The following SERTM1 variants were observed in gnomAD, a reference collection of about 807,000 sequenced individuals.
SERTM1 encodes serine rich and transmembrane domain containing 1.
A neutral mutation model predicts 5.5 loss-of-function variants in SERTM1; 1 was observed. That is an observed-to-expected ratio of 0.18 (90% confidence interval 0.06 to 0.86). The LOEUF (loss-of-function observed/expected upper bound fraction) is 0.86. Among genes scored for constraint, SERTM1 ranks in the 40% least tolerant of loss-of-function variants. The pLI, the probability that SERTM1 is intolerant of heterozygous loss-of-function variation, is 0.69. For synonymous variants in SERTM1, 52 were observed against 55.1 expected, an observed-to-expected ratio of 0.94 and a Z score of 0.25; for missense variants, 91 against 122.4, an observed-to-expected ratio of 0.74 and a Z score of 1.21.
At chr13:36,694,395 T>A (rs1335770593) in intron 1 of SERTM1, among the ~76,000 whole-genome samples, 2 of 152,218 alleles carry the variant, frequency 1.3e-5, no homozygotes, top group Non-Finnish European at 2.9e-5. Flanking sequence ...GGCACCTGAT[T>A]TCAAGGAGAT....
chr13:36,688,816 T>C (rs1486683175), intron 1 of SERTM1, among the ~76,000 whole-genome samples: 6 of 152,220 alleles, frequency 3.9e-5, no homozygotes, highest in Admixed American at 6.5e-5. Context: ...GTTGGCTTTT[T>C]CTGTCAATCA....
intron 1 of SERTM1, among the ~76,000 whole-genome samples, chr13:36,677,240 A>G (rs1159236105): frequency 6.6e-6 from 1 of 152,250 alleles, no homozygotes; most frequent in African/African-American, 2.4e-5. Flanking sequence ...GAAAAAAAAG[A>G]TAAAAGATGT....
At chr13:36,691,561 A>G (rs1366466780) in intron 1 of SERTM1, among the ~76,000 whole-genome samples, 2 of 152,162 alleles carry the variant, frequency 1.3e-5, no homozygotes, top group African/African-American at 2.4e-5. Flanking sequence ...CTTCCTTTAT[A>G]ATGTTGTGAT....
chr13:36,697,336 T>C lies in SERTM1; in HGVS notation c.*1934T>C, dbSNP rs555169969. 2 of 160,846 alleles carry C rather than the reference T, an allele frequency of 1.2e-5. No individual in the cohort carries two copies. Among genetic ancestry groups the C allele is most frequent in the Non-Finnish European group, 3.0e-5 (2 of 66,900 alleles). The allele number at this position is 160,846 out of a possible 1,614,324, so 10.0% of individuals were successfully genotyped here. ...AAATATATATATATATATATATATA[T>C]AAACTCACATACTCCCAATTAAAAG... On this transcript the variant is annotated 3_prime_UTR_variant, in exon 2 of 2. Coordinates refer to ENST00000315190, the MANE Select transcript of SERTM1 (RefSeq NM_203451.3).
In SERTM1 at chr13:36,695,353, T is replaced by C. The variant is rs141640559; in HGVS notation, c.275T>C (p.Val92Ala). 1 of 1,614,068 alleles carries C rather than the reference T, an allele frequency of 6.2e-7. No homozygotes were observed. The highest frequency in any genetic ancestry group is 1.3e-5 in the African/African-American group (1 of 74,938). The change falls in exon 2 of 2, where the codon GTC (valine) becomes GCC (alanine). Residue 92 changes from valine to alanine, a missense_variant. Coordinates refer to ENST00000315190, the MANE Select transcript of SERTM1 (RefSeq NM_203451.3). Reference protein sequence around the residue: ...DAGSSFTNLEVCSISSQRSTF... With the variant: ...DAGSSFTNLEACSISSQRSTF... ...GGAAGTTCTTTCACCAATTTGGAAG[T>C]CTGCAGCATTTCCTCTCAGAGGTCC... is the stretch of plus-strand genomic sequence containing the variant.
intron 1 of SERTM1, among the ~76,000 whole-genome samples, chr13:36,689,074 G>A (rs887353431): frequency 3.9e-5 from 6 of 152,204 alleles, no homozygotes; most frequent in South Asian, 4.1e-4. Flanking sequence ...GTACTTGACC[G>A]TTTTATCTAG....
At position 36,682,340 on chromosome 13, in the gene SERTM1, T is replaced by G. The variant is rs1182925201; in HGVS notation, c.-174+8156T>G. Among the ~76,000 whole-genome samples the G allele has an allele frequency of 2.0e-5, 3 of 152,340 alleles. No individual in the cohort carries two copies. In the East Asian group the frequency reaches 5.8e-4, roughly 29 times the overall value. ...TTTCTTTATTCTAGGACTTCCCAGTTTGTTAAAGCAGATAGGTAAATAAAT... is the reference window on the plus strand; with the variant it reads ...TTTCTTTATTCTAGGACTTCCCAGTGTGTTAAAGCAGATAGGTAAATAAAT... On this transcript the variant is annotated intron_variant, in intron 1 of 1. Transcript: ENST00000315190.
intron 1 of SERTM1, among the ~76,000 whole-genome samples, chr13:36,677,142 A>T (rs774912871): frequency 6.6e-6 from 1 of 152,214 alleles, no homozygotes; most frequent in Non-Finnish European, 1.5e-5. Context: ...GTCTCATGAC[A>T]TAAAATGCGT....
chr13:36,685,244 C>T (rs1043564461), intron 1 of SERTM1, among the ~76,000 whole-genome samples: 2 of 152,212 alleles, frequency 1.3e-5, no homozygotes, highest in Non-Finnish European at 2.9e-5. Flanking sequence ...AGAGCATTGG[C>T]AGGCTCGGCC....
At chr13:36,688,219 A>T (rs79719775) in intron 1 of SERTM1, among the ~76,000 whole-genome samples, 3 of 144,020 alleles carry the variant, frequency 2.1e-5, no homozygotes, top group Admixed American at 7.0e-5. Context: ...TATTTCATGT[A>T]TTTTTTTTTT....
rs765476413 is a variant in SERTM1, at chr13:36,678,679, T to TTATATATATATATATATATA, written c.-174+4511_-174+4512insTATATATATATATATATATA. 1.3e-3 allele frequency among the ~76,000 whole-genome samples: 172 copies of TTATATATATATATATATATA among 133,720 alleles called. 3 individuals carry two copies. Among genetic ancestry groups the TTATATATATATATATATATA allele is most frequent in the Non-Finnish European group, 2.0e-3 (125 of 61,542 alleles). 87.7% of individuals were successfully genotyped at this position (133,720 alleles called of 152,430 possible). A position where few individuals can be genotyped will look rare whatever the true frequency, so the allele number is the denominator to read the frequency against. On this transcript the variant is annotated intron_variant, in intron 1 of 1. Transcript: ENST00000315190. The stretch of plus-strand genomic sequence containing the variant: ...CCTGGAACTTAAAATAAAATAAAAT[T>TTATATATATATATATATATA]TATATATATATATATAAAATATAGT...
intron 1 of SERTM1, among the ~76,000 whole-genome samples, chr13:36,686,637 T>C (rs974801546): frequency 1.3e-5 from 2 of 152,214 alleles, no homozygotes; most frequent in Non-Finnish European, 2.9e-5. Flanking sequence ...GCTTTATGGC[T>C]AGATACTTCA....
In SERTM1 at chr13:36,674,140, T is replaced by A. The variant is rs2056655152; in HGVS notation, c.-218T>A. Reference sequence around the variant, plus strand: ...CCAGACCGGAGCACCGCCCCACCGCTAGCGCAGGAGACCTGCCGGGGAAGT... The same window carrying A: ...CCAGACCGGAGCACCGCCCCACCGCAAGCGCAGGAGACCTGCCGGGGAAGT... On this transcript the variant is annotated 5_prime_UTR_variant, in exon 1 of 2. Transcript: ENST00000315190. 6.6e-6 allele frequency: 1 copy of A among 152,230 alleles called. No individual in the cohort carries two copies. Among genetic ancestry groups the A allele is most frequent in the Non-Finnish European group, 1.5e-5 (1 of 68,104 alleles). The allele number at this position is 152,230 out of a possible 1,614,324, so 9.4% of individuals were successfully genotyped here. A position where few individuals can be genotyped will look rare whatever the true frequency, so the allele number is the denominator to read the frequency against.
intron 1 of SERTM1, among the ~76,000 whole-genome samples, chr13:36,690,288 G>C (rs774033966): frequency 6.6e-6 from 1 of 152,170 alleles, no homozygotes; most frequent in African/African-American, 2.4e-5. Context: ...CATAATGAGA[G>C]TTCACACAAA....
At chr13:36,675,290 G>A (rs2056662746) in intron 1 of SERTM1, among the ~76,000 whole-genome samples, 1 of 152,198 alleles carries the variant, frequency 6.6e-6, no homozygotes, top group South Asian at 2.1e-4. Context: ...ATTTGGTACC[G>A]TCTGCACTAC....
chr13:36,689,971 C>A (rs141535111), intron 1 of SERTM1, among the ~76,000 whole-genome samples: 1 of 152,240 alleles, frequency 6.6e-6, no homozygotes, highest in African/African-American at 2.4e-5. Context: ...GGAATTGATT[C>A]TTAAAATAAA....
intron 1 of SERTM1, among the ~76,000 whole-genome samples, chr13:36,678,679 T>TTTTATATATATATATATATATATA (rs977518657): frequency 1.5e-5 from 2 of 133,682 alleles, no homozygotes; most frequent in Non-Finnish European, 3.2e-5. Context: ...AAAATAAAAT[T>TTTTATATATATATATATATATATA]TATATATATA....
At chr13:36,680,373 T>C (rs1037768840) in intron 1 of SERTM1, among the ~76,000 whole-genome samples, 12 of 152,196 alleles carry the variant, frequency 7.9e-5, no homozygotes, top group African/African-American at 2.9e-4. Context: ...ACTCCCTGCT[T>C]GGCACATATT....
Position 36,678,398 on chromosome 13 carries a change from A to C in SERTM1, c.-174+4214A>C, listed in dbSNP as rs672611. Among the ~76,000 whole-genome samples the C allele has an allele frequency of 9.5e-3, 1,450 of 152,072 alleles. 28 individuals are homozygous for C. Among genetic ancestry groups the C allele is most frequent in the African/African-American group, 0.031 (1,275 of 41,464 alleles). On this transcript the variant is annotated intron_variant, in intron 1 of 1. Coordinates refer to ENST00000315190, the MANE Select transcript of SERTM1 (RefSeq NM_203451.3). ...TACAAAAAATGGAATCATAGTATAC[A>C]CTATCATGAAGGTTACTTTCTTGAC...
Sources: allele counts gnomAD v4.1 joint callset (sites outside exome capture counted in the v4.1 genomes callset), GRCh38; gene constraint gnomAD v4.1.1; transcripts MANE v1.5; gene names NCBI Gene and HGNC (gene_info 2026-07-23, HGNC 2026-07-21).